ATF6: variants seen among roughly 807,000 people sequenced by gnomAD.
The protein encoded by ATF6 is activating transcription factor 6, also known as cyclic AMP-dependent transcription factor ATF-6 alpha.
Under a neutral mutation model 83.6 loss-of-function variants are expected in ATF6, and 53 were observed. The ratio of observed to expected loss-of-function variants is 0.63; its 90% CI spans 0.51 to 0.80. ATF6 has a LOEUF of 0.80. Among genes scored for constraint, ATF6 ranks in the 30% least tolerant of loss-of-function variants. The pLI, the probability that ATF6 is intolerant of heterozygous loss-of-function variation, is 0.00. For synonymous variants in ATF6, 288 were observed against 285.8 expected, an observed-to-expected ratio of 1.01 and a Z score of -0.08; for missense variants, 744 against 797.9, an observed-to-expected ratio of 0.93 and a Z score of 0.81.
intron 14 of ATF6, among the ~76,000 whole-genome samples, chr1:161,889,554 A>T (rs1687505470): frequency 1.3e-5 from 2 of 152,192 alleles, no homozygotes; most frequent in African/African-American, 4.8e-5. Flanking sequence ...AATCTTACTA[A>T]TTGGAAGATC....
chr1:161,770,616 C>T (rs1229671369), intron 1 of ATF6, among the ~76,000 whole-genome samples: 1 of 152,126 alleles, frequency 6.6e-6, no homozygotes, highest in African/African-American at 2.4e-5. Flanking sequence ...TAATTACCTC[C>T]TAAAGACTGT....
At chr1:161,814,363 CCT>C (rs936357721) in intron 7 of ATF6, among the ~76,000 whole-genome samples, 22 of 152,192 alleles carry the variant, frequency 1.4e-4, no homozygotes, top group African/African-American at 5.1e-4. Context: ...TCTGCTTTTA[CCT>C]CTCTTTTGGT....
chr1:161,821,318 C>T (rs1685755482), intron 9 of ATF6, among the ~76,000 whole-genome samples, 157 bp downstream of exon 9: 1 of 152,020 alleles, frequency 6.6e-6, no homozygotes, highest in South Asian at 2.1e-4. Flanking sequence ...TCTCATGATC[C>T]AGCTGGGAGG....
At chr1:161,831,196 G>A (rs2101799769) in intron 9 of ATF6, among the ~76,000 whole-genome samples, 1 of 152,330 alleles carries the variant, frequency 6.6e-6, no homozygotes, top group South Asian at 2.1e-4. Flanking sequence ...ATGAAAAAAT[G>A]CTCATCATCA....
At chr1:161,827,982 G>A (rs1336945993) in intron 9 of ATF6, among the ~76,000 whole-genome samples, 1 of 152,136 alleles carries the variant, frequency 6.6e-6, no homozygotes, top group East Asian at 1.9e-4. Context: ...GTAACTCTAG[G>A]TAGCAGGGAC....
At chr1:161,901,154 CTT>C (rs926066450) in intron 14 of ATF6, among the ~76,000 whole-genome samples, 9 of 151,904 alleles carry the variant, frequency 5.9e-5, no homozygotes, top group Non-Finnish European at 1.0e-4. Flanking sequence ...TAAGGCTAGT[CTT>C]TTTTTATAAT....
chr1:161,766,523 G>GTCACCACGA, intron 1 of ATF6, 81 bp downstream of exon 1: 1 of 1,413,376 alleles, frequency 7.1e-7, no homozygotes, highest in Admixed American at 1.8e-5. Context: ...GCCCACTCGT[G>GTCACCACGA]GTGACAGGTG....
At position 161,924,182 on chromosome 1, in the gene ATF6, A is replaced by G. The variant is rs1254421983; in HGVS notation, c.1804+11802A>G. ...CGTTCTCTCTTTTGCAGTTACACCA[A>G]CTGGAAACATTGGGGATCATAACTT... On this transcript the variant is annotated intron_variant, in intron 15 of 15. Transcript: ENST00000367942. Among the ~76,000 whole-genome samples the G allele has an allele frequency of 2.0e-5, 3 of 152,158 alleles. No homozygotes were observed. The East Asian group carries it at 5.8e-4, about 29-fold the overall frequency.
intron 12 of ATF6, among the ~76,000 whole-genome samples, chr1:161,856,757 A>G (rs1012333792): frequency 1.3e-5 from 2 of 152,116 alleles, no homozygotes; most frequent in East Asian, 1.9e-4. Flanking sequence ...GGAACTTGTC[A>G]TGTTTTTCTT....
At chr1:161,825,449 G>C (rs1685871795) in intron 9 of ATF6, among the ~76,000 whole-genome samples, 1 of 152,184 alleles carries the variant, frequency 6.6e-6, no homozygotes, top group African/African-American at 2.4e-5. Context: ...GCAAGTCCCA[G>C]GTTGTGACCT....
At chr1:161,812,640 C>T (rs1465958220) in intron 7 of ATF6, among the ~76,000 whole-genome samples, 4 of 151,978 alleles carry the variant, frequency 2.6e-5, no homozygotes, top group Admixed American at 2.0e-4. Flanking sequence ...GATCCACCCG[C>T]CTCGGCCTCC....
At chr1:161,909,394 C>T (rs2341477) in intron 14 of ATF6, among the ~76,000 whole-genome samples, 14,563 of 152,100 alleles carry the variant, frequency 0.096, 1,293 homozygotes, top group East Asian at 0.33. Flanking sequence ...ACCGTGTAGC[C>T]TTATTTGGTT....
chr1:161,888,350 A>G (rs923726234), intron 14 of ATF6, among the ~76,000 whole-genome samples: 3 of 152,204 alleles, frequency 2.0e-5, no homozygotes, highest in Admixed American at 6.5e-5. Flanking sequence ...ATTACATAGT[A>G]ATCTTTTATA....
At chr1:161,856,991 C>T (rs896226386) in intron 12 of ATF6, among the ~76,000 whole-genome samples, 2 of 152,044 alleles carry the variant, frequency 1.3e-5, no homozygotes, top group African/African-American at 2.4e-5. Flanking sequence ...ATCTTAGCTA[C>T]TATAGAAGGG....
intron 15 of ATF6, among the ~76,000 whole-genome samples, chr1:161,946,749 G>T (rs2101914747): frequency 6.6e-6 from 1 of 152,234 alleles, no homozygotes; most frequent in Middle Eastern, 3.4e-3. Context: ...TTTTAATGTG[G>T]CAGGTCTTCT....
rs531387560 is a variant in ATF6, at chr1:161,848,563, A to C, written c.1319+1983A>C. On this transcript the variant is annotated intron_variant, in intron 10 of 15. Coordinates refer to ENST00000367942, the MANE Select transcript of ATF6 (RefSeq NM_007348.4). The stretch of plus-strand genomic sequence containing the variant: ...GGCATATAAATAGTATGACCATATA[A>C]TGTTCTATCAAACTGGGACACTCTT... 9.9e-5 allele frequency among the ~76,000 whole-genome samples: 15 copies of C among 152,234 alleles called. No individual in the cohort carries two copies. In the South Asian group the frequency reaches 3.1e-3, roughly 32 times the overall value.
intron 8 of ATF6, 150 bp downstream of exon 8, chr1:161,819,968 G>A: frequency 1.3e-6 from 1 of 742,562 alleles, no homozygotes; most frequent in Non-Finnish European, 2.0e-6. Flanking sequence ...TTTGCAGTAA[G>A]GATAAAGCAT....
chr1:161,834,906 A>G (rs976231252), intron 9 of ATF6, among the ~76,000 whole-genome samples: 6 of 152,182 alleles, frequency 3.9e-5, no homozygotes, highest in Non-Finnish European at 8.8e-5. Flanking sequence ...GAGATATTGG[A>G]CAAGAGGTTA....
intron 7 of ATF6, among the ~76,000 whole-genome samples, chr1:161,816,299 G>A (rs1456690294): frequency 6.6e-6 from 1 of 152,214 alleles, no homozygotes; most frequent in Non-Finnish European, 1.5e-5. Flanking sequence ...TAAGAGAGAT[G>A]TGTCAATTGG....
Sources: gnomAD v4.1 joint callset for allele counts (sites outside exome capture counted in the v4.1 genomes callset) on GRCh38, gnomAD v4.1.1 for gene constraint, MANE v1.5 for transcripts, NCBI Gene and HGNC (gene_info 2026-07-23, HGNC 2026-07-21) for gene names.